DLG2: variants seen among roughly 807,000 people sequenced by gnomAD.
DLG2 encodes disks large homolog 2.
DLG2 carries 45 observed loss-of-function variants against 132.5 expected under a neutral mutation model. That is an observed-to-expected ratio of 0.34 (90% CI 0.27 to 0.44). DLG2 has a LOEUF of 0.44. Ranked by LOEUF, DLG2 falls within the 20% of genes least tolerant of loss-of-function variation. The pLI is 1.00. For missense variants in DLG2, 1,045 were observed against 1,196.9 expected (o/e 0.87, Z 1.87); for synonymous variants, 424 against 419.6 (o/e 1.01, Z -0.13).
At chr11:83,717,523 G>GTT (rs1240639336) in intron 18 of DLG2, among the ~76,000 whole-genome samples, 2 of 152,106 alleles carry the variant, frequency 1.3e-5, no homozygotes, top group African/African-American at 4.8e-5. Flanking sequence ...TGAGTAGAGA[G>GTT]GGGATAACAA....
Position 83,890,245 on chromosome 11 carries a change from T to C in DLG2, c.1497-15757A>G, listed in dbSNP as rs377324900. On this transcript the variant is annotated intron_variant, in intron 15 of 27. Transcript: ENST00000376104. ...CATCTAATTCAAATTGCCCTGGATA[T>C]CTTTTCATTTCACATAGGAAAGAAA... Among the ~76,000 whole-genome samples, 139 of 152,260 alleles carry C rather than the reference T, an allele frequency of 9.1e-4. 2 individuals are homozygous for C. The highest frequency in any genetic ancestry group is 3.2e-3 in the African/African-American group (133 of 41,568).
At chr11:84,265,923 T>G (rs1438220972) in intron 7 of DLG2, among the ~76,000 whole-genome samples, 2 of 152,182 alleles carry the variant, frequency 1.3e-5, no homozygotes, top group Non-Finnish European at 2.9e-5. Flanking sequence ...AATTTTGGTT[T>G]GCTACATGGA....
At chr11:84,593,309 A>T (rs766892311) in intron 6 of DLG2, among the ~76,000 whole-genome samples, 2 of 152,140 alleles carry the variant, frequency 1.3e-5, no homozygotes, top group Non-Finnish European at 2.9e-5. Context: ...TACCCAAAGG[A>T]TTATAAATCA....
chr11:84,547,526 C>G (rs779367053), intron 6 of DLG2, among the ~76,000 whole-genome samples: 5 of 152,172 alleles, frequency 3.3e-5, no homozygotes, highest in African/African-American at 1.2e-4. Context: ...AAAGAAGATA[C>G]AGCTCATCCT....
chr11:84,507,727 G>A (rs2099245599), intron 7 of DLG2, among the ~76,000 whole-genome samples: 1 of 152,168 alleles, frequency 6.6e-6, no homozygotes, highest in Admixed American at 6.5e-5. Flanking sequence ...CTATTGAGAT[G>A]ATCATAAGCT....
chr11:85,243,649 C>T (rs1342213628), intron 4 of DLG2, among the ~76,000 whole-genome samples: 3 of 151,644 alleles, frequency 2.0e-5, no homozygotes, highest in Non-Finnish European at 4.4e-5. Flanking sequence ...ATTGCAAAGT[C>T]AAAGAGAAAA....
chr11:84,737,395 T>C (rs1288897939), intron 6 of DLG2, among the ~76,000 whole-genome samples: 1 of 152,026 alleles, frequency 6.6e-6, no homozygotes, highest in Non-Finnish European at 1.5e-5. Flanking sequence ...TGCTCTTCGA[T>C]ATTTTAGGAA....
At chr11:85,607,529 T>G (rs184948837) in intron 2 of DLG2, among the ~76,000 whole-genome samples, 3 of 152,232 alleles carry the variant, frequency 2.0e-5, no homozygotes, top group Admixed American at 2.0e-4. Context: ...GTCCCGCTTA[T>G]AAAAACCACT....
At chr11:85,206,730 G>A (rs1454927021) in intron 4 of DLG2, among the ~76,000 whole-genome samples, 3 of 152,078 alleles carry the variant, frequency 2.0e-5, no homozygotes, top group Non-Finnish European at 4.4e-5. Context: ...CTACTTGGGA[G>A]GCTGAGGAAG....
At position 84,379,751 on chromosome 11, in the gene DLG2, G is replaced by A. The variant is rs79951732; in HGVS notation, c.520-128460C>T. Among the ~76,000 whole-genome samples, 3 of 151,502 alleles carry A rather than the reference G, an allele frequency of 2.0e-5. No homozygotes were observed. In the East Asian group the frequency reaches 5.8e-4, roughly 29 times the overall value. Reference sequence around the variant, plus strand: ...CAGTACACTTTTAATGAGAGTTTCAGTAATGGAAAATAGGAAAAGAGGTAT... The same window carrying A: ...CAGTACACTTTTAATGAGAGTTTCAATAATGGAAAATAGGAAAAGAGGTAT... On this transcript the variant is annotated intron_variant, in intron 7 of 27. Transcript: ENST00000376104.
chr11:85,278,952 T>G (rs1164938799), intron 4 of DLG2, among the ~76,000 whole-genome samples: 1 of 152,210 alleles, frequency 6.6e-6, no homozygotes, highest in Non-Finnish European at 1.5e-5. Flanking sequence ...TAAGCCATTA[T>G]GAGAATCAAG....
At chr11:84,730,294 C>T (rs935192504) in intron 6 of DLG2, among the ~76,000 whole-genome samples, 18 of 151,964 alleles carry the variant, frequency 1.2e-4, no homozygotes, top group African/African-American at 4.3e-4. Flanking sequence ...AGTAATAATA[C>T]CTCTGTCACA....
intron 9 of DLG2, among the ~76,000 whole-genome samples, chr11:84,142,978 C>A (rs114618119): frequency 6.6e-6 from 1 of 152,038 alleles, no homozygotes; most frequent in Non-Finnish European, 1.5e-5. Flanking sequence ...TCTGGAGACT[C>A]TAATACAGTG....
chr11:83,880,755 G>T (rs1174899264), intron 15 of DLG2, among the ~76,000 whole-genome samples: 1 of 152,160 alleles, frequency 6.6e-6, no homozygotes, highest in Non-Finnish European at 1.5e-5. Context: ...TACAAGATTA[G>T]CTTGATGAAC....
chr11:84,558,594 C>T (rs533478555), intron 6 of DLG2, among the ~76,000 whole-genome samples: 1 of 152,274 alleles, frequency 6.6e-6, no homozygotes, highest in East Asian at 1.9e-4. Flanking sequence ...CCTCTACAAA[C>T]TGCCTTAAAT....
At chr11:83,746,632 C>T (rs182585538) in intron 18 of DLG2, among the ~76,000 whole-genome samples, 54 of 152,064 alleles carry the variant, frequency 3.6e-4, no homozygotes, top group African/African-American at 1.2e-3. Context: ...ATGTAAATGA[C>T]GAGTTACTGG....
chr11:83,699,666 C>T (rs917537439), intron 18 of DLG2, among the ~76,000 whole-genome samples: 17 of 150,850 alleles, frequency 1.1e-4, no homozygotes, highest in South Asian at 8.4e-4. Flanking sequence ...GCAGAGATCA[C>T]GCCACTGCAC....
chr11:84,556,376 G>A (rs1195089313), intron 6 of DLG2, among the ~76,000 whole-genome samples: 14 of 152,078 alleles, frequency 9.2e-5, no homozygotes. Context: ...CTTTCTTCCT[G>A]ACTCGTATTT....
intron 23 of DLG2, among the ~76,000 whole-genome samples, chr11:83,472,364 G>A (rs2092153662): frequency 6.6e-6 from 1 of 152,150 alleles, no homozygotes; most frequent in South Asian, 2.1e-4. Context: ...AGGCAGATCT[G>A]CTAGAAAGTC....
Sources: allele counts gnomAD v4.1 joint callset (sites outside exome capture counted in the v4.1 genomes callset), GRCh38; gene constraint gnomAD v4.1.1; transcripts MANE v1.5; gene names NCBI Gene and HGNC (gene_info 2026-07-23, HGNC 2026-07-21).